GNG2: variants seen among roughly 807,000 people sequenced by gnomAD.
GNG2 encodes G protein subunit gamma 2, also known as guanine nucleotide-binding protein G(I)/G(S)/G(O) subunit gamma-2.
GNG2 carries 5 observed loss-of-function variants against 5.5 expected under a neutral mutation model. That is an observed-to-expected ratio of 0.91 (90% confidence interval 0.48 to 1.92). The LOEUF is 1.92. Among genes scored for constraint, GNG2 ranks in the 30% most tolerant of loss-of-function variants. The pLI, the probability that GNG2 is intolerant of heterozygous loss-of-function variation, is 0.01. For missense variants in GNG2, 55 were observed against 88.4 expected (o/e 0.62, Z 1.52); for synonymous variants, 28 against 32.0 (o/e 0.88, Z 0.42).
chr14:51,855,574 A>C (rs1409380644), upstream of GNG2, among the ~76,000 whole-genome samples: 1 of 152,254 alleles, frequency 6.6e-6, no homozygotes, highest in Non-Finnish European at 1.5e-5. Flanking sequence ...TTTCTGTGAT[A>C]AAATAACAGC....
chr14:51,886,801 A>G (rs1451789011), intron 2 of GNG2, among the ~76,000 whole-genome samples: 2 of 152,172 alleles, frequency 1.3e-5, no homozygotes, highest in Non-Finnish European at 2.9e-5. Flanking sequence ...CTCATTGGCC[A>G]AACCCAACTG....
intron 2 of GNG2, among the ~76,000 whole-genome samples, chr14:51,883,011 AAAAAAAAAAAAG>A (rs1278520742): frequency 8.2e-4 from 122 of 149,350 alleles, no homozygotes; most frequent in Non-Finnish European, 1.3e-3. Flanking sequence ...CTCCATCTCA[AAAAAAAAAAAAG>A]AAAAAAAAAA....
At chr14:51,948,677 G>T (rs1888784137) in intron 2 of GNG2, among the ~76,000 whole-genome samples, 1 of 152,160 alleles carries the variant, frequency 6.6e-6, no homozygotes, top group Non-Finnish European at 1.5e-5. Flanking sequence ...AATAATACTT[G>T]TTAAAGTCTC....
rs1380064517 is a variant in GNG2 at position 51,969,361 on chromosome 14, A to T, written c.*2674A>T. 1 of 152,206 alleles carries T rather than the reference A, an allele frequency of 6.6e-6. No homozygotes were observed. Among genetic ancestry groups the T allele is most frequent in the Non-Finnish European group, 1.5e-5 (1 of 68,034 alleles). The allele number at this position is 152,206 out of a possible 1,614,324, so 9.4% of individuals were successfully genotyped here. On this transcript the variant is annotated 3_prime_UTR_variant, in exon 4 of 4. Transcript: ENST00000556766. ...ATTTTTAAAACATTTGAAACCAAGT[A>T]CTGTTTAATTTCAATCAGAAGATGC... is the stretch of plus-strand genomic sequence containing the variant.
intron 2 of GNG2, among the ~76,000 whole-genome samples, chr14:51,926,099 G>C (rs924340134): frequency 2.6e-5 from 4 of 151,392 alleles, no homozygotes; most frequent in African/African-American, 9.7e-5. Flanking sequence ...ACATTGAGAC[G>C]GTAAAGTGTC....
Position 51,929,782 on chromosome 14 carries a change from A to G in GNG2, c.-29-20868A>G, listed in dbSNP as rs569654162. Among the ~76,000 whole-genome samples the G allele has an allele frequency of 7.9e-5, 12 of 152,306 alleles. No homozygotes were observed. In the South Asian group the frequency reaches 1.9e-3, roughly 24 times the overall value. ...TGGTAGGGTGGAACACACAAGGACA[A>G]TATGAGGCTGGCGTCGAGAGAAGAG... On this transcript the variant is annotated intron_variant, in intron 2 of 3. Coordinates refer to ENST00000556766, the MANE Select transcript of GNG2 (RefSeq NM_053064.5).
chr14:51,895,017 C>A, intron 2 of GNG2, among the ~76,000 whole-genome samples: 1 of 147,044 alleles, frequency 6.8e-6, no homozygotes, highest in Non-Finnish European at 1.5e-5. Flanking sequence ...AGTTGTAATT[C>A]CAAATAACAA....
chr14:51,950,866 G>A, intron 3 of GNG2, 101 bp downstream of exon 3: 1 of 577,332 alleles, frequency 1.7e-6, no homozygotes. Flanking sequence ...AATGACAGGA[G>A]AGCATCTTAA....
intron 2 of GNG2, among the ~76,000 whole-genome samples, chr14:51,907,201 G>T (rs935073805): frequency 6.6e-5 from 10 of 152,160 alleles, no homozygotes; most frequent in African/African-American, 1.9e-4. Flanking sequence ...TGGTGCTATG[G>T]GAGAAATTGG....
intron 2 of GNG2, among the ~76,000 whole-genome samples, chr14:51,935,241 A>G (rs185791378): frequency 5.9e-5 from 9 of 151,830 alleles, no homozygotes; most frequent in Admixed American, 4.6e-4. Context: ...TAGTCAGGAT[A>G]GTCTCGATCT....
At position 51,968,940 on chromosome 14, in the gene GNG2, C is replaced by G. The variant is rs1890074126; in HGVS notation, c.*2253C>G. 1 of 152,082 alleles carries G rather than the reference C, an allele frequency of 6.6e-6. No homozygotes were observed. Among genetic ancestry groups the G allele is most frequent in the Admixed American group, 6.6e-5 (1 of 15,264 alleles). The allele number at this position is 152,082 out of a possible 1,614,324, so 9.4% of individuals were successfully genotyped here. On this transcript the variant is annotated 3_prime_UTR_variant, in exon 4 of 4. Transcript: ENST00000556766. Reference sequence around the variant, plus strand: ...AGATGGAATTACAATTTCTAGGGAGCATTTTAAGGAAAATGTTTTGGCTTT... The same window carrying G: ...AGATGGAATTACAATTTCTAGGGAGGATTTTAAGGAAAATGTTTTGGCTTT...
rs1358278300 is a variant in GNG2 at position 51,883,930 on chromosome 14, G to A, written c.-30+6273G>A. Among the ~76,000 whole-genome samples the A allele has an allele frequency of 2.6e-5, 4 of 151,958 alleles. No homozygotes were observed. In the East Asian group the frequency reaches 7.8e-4, roughly 30 times the overall value. The stretch of plus-strand genomic sequence containing the variant: ...TTTTTTAATCATGAAAGAAATTCAT[G>A]CAGAAAAAAACAATATATGTGAAAT... On this transcript the variant is annotated intron_variant, in intron 2 of 3. Coordinates refer to ENST00000556766, the MANE Select transcript of GNG2 (RefSeq NM_053064.5).
intron 1 of GNG2, among the ~76,000 whole-genome samples, chr14:51,862,849 G>A (rs1882610183): frequency 6.6e-6 from 1 of 152,222 alleles, no homozygotes; most frequent in African/African-American, 2.4e-5. Context: ...GGAAAAAGAT[G>A]AATATGCTTC....
chr14:51,869,551 C>T (rs1883162750), intron 1 of GNG2, among the ~76,000 whole-genome samples: 1 of 152,218 alleles, frequency 6.6e-6, no homozygotes, highest in African/African-American at 2.4e-5. Context: ...CTCGGTCTGT[C>T]ACCCAGGCTG....
intron 2 of GNG2, among the ~76,000 whole-genome samples, chr14:51,850,983 G>A (rs1306036440): frequency 6.6e-6 from 1 of 152,166 alleles, no homozygotes; most frequent in Non-Finnish European, 1.5e-5. Flanking sequence ...GATTTGGGTG[G>A]GGACAAATAT....
chr14:51,893,030 G>T (rs1322859181), intron 2 of GNG2, among the ~76,000 whole-genome samples: 1 of 152,204 alleles, frequency 6.6e-6, no homozygotes, highest in African/African-American at 2.4e-5. Flanking sequence ...TCACTCCACT[G>T]TCGCCTGTGG....
chr14:51,926,631 G>A (rs1334285044), intron 2 of GNG2, among the ~76,000 whole-genome samples: 1 of 152,194 alleles, frequency 6.6e-6, no homozygotes, highest in Non-Finnish European at 1.5e-5. Context: ...CTGGGGTGGA[G>A]CCTCAGGAAG....
At chr14:51,957,055 G>C (rs10873055) in intron 3 of GNG2, among the ~76,000 whole-genome samples, 1 of 144,734 alleles carries the variant, frequency 6.9e-6, no homozygotes, top group East Asian at 2.2e-4. Context: ...TCTCAGTCCC[G>C]GTCTGGTTTG....
chr14:51,949,546 A>T (rs891776960), intron 2 of GNG2, among the ~76,000 whole-genome samples: 1 of 152,176 alleles, frequency 6.6e-6, no homozygotes, highest in Non-Finnish European at 1.5e-5. Flanking sequence ...TTTTTATATA[A>T]TATCTTCAGA....
Sources: gnomAD v4.1 joint callset for allele counts (sites outside exome capture counted in the v4.1 genomes callset) on GRCh38, gnomAD v4.1.1 for gene constraint, MANE v1.5 for transcripts, NCBI Gene and HGNC (gene_info 2026-07-23, HGNC 2026-07-21) for gene names.